Variants in PPP1R9A observed in about 807,000 individuals in gnomAD.
PPP1R9A encodes the protein neurabin-1.
A neutral mutation model predicts 141.9 loss-of-function variants in PPP1R9A; 59 were observed. The observed-to-expected ratio is 0.42, with a 90% CI of 0.34 to 0.52. PPP1R9A has a LOEUF of 0.52. Among genes scored for constraint, PPP1R9A ranks in the 20% least tolerant of loss-of-function variants. The pLI, the probability that PPP1R9A is intolerant of heterozygous loss-of-function variation, is 0.10. For synonymous variants in PPP1R9A, 500 were observed against 569.7 expected (o/e 0.88, Z 1.74); for missense variants, 1,444 against 1,611.9 (o/e 0.90, Z 1.78).
intron 8 of PPP1R9A, among the ~76,000 whole-genome samples, chr7:95,226,348 C>T (rs1222839891): frequency 6.6e-6 from 1 of 152,088 alleles, no homozygotes; most frequent in East Asian, 1.9e-4. Context: ...TAATTTCAAG[C>T]AGTAACTTAA....
chr7:95,279,225 G>A (rs997097019), intron 16 of PPP1R9A, among the ~76,000 whole-genome samples: 5 of 152,198 alleles, frequency 3.3e-5, no homozygotes, highest in African/African-American at 1.2e-4. Context: ...TGGCATGACA[G>A]TGAGTTTGAA....
chr7:95,245,083 A>C (rs1358382), intron 8 of PPP1R9A, among the ~76,000 whole-genome samples: 99,181 of 152,036 alleles, frequency 0.65, 33,253 homozygotes, highest in African/African-American at 0.82. Flanking sequence ...TGCAAATCCT[A>C]TAAAATCACC....
chr7:95,063,795 AAT>A (rs1400795358), intron 2 of PPP1R9A, among the ~76,000 whole-genome samples: 1 of 152,152 alleles, frequency 6.6e-6, no homozygotes, highest in Non-Finnish European at 1.5e-5. Context: ...TGTGTTTTCT[AAT>A]GTAGTTGAGT....
At chr7:94,976,393 G>A (rs1799448020) in intron 2 of PPP1R9A, among the ~76,000 whole-genome samples, 1 of 147,876 alleles carries the variant, frequency 6.8e-6, no homozygotes, top group South Asian at 2.1e-4. Flanking sequence ...CCAGGCTGGA[G>A]TGCAGTGGTG....
intron 2 of PPP1R9A, among the ~76,000 whole-genome samples, chr7:94,913,874 T>C (rs1791746380): frequency 6.6e-6 from 1 of 152,214 alleles, no homozygotes. Flanking sequence ...GAGTCAATTC[T>C]TAAACACATT....
intron 5 of PPP1R9A, among the ~76,000 whole-genome samples, chr7:95,166,388 T>TAAAC (rs1831271317): frequency 6.6e-6 from 1 of 152,014 alleles, no homozygotes; most frequent in African/African-American, 2.4e-5. Flanking sequence ...TAAAGCAAGT[T>TAAAC]AAACAAACTA....
At chr7:95,288,316 T>C (rs1183532334) in intron 18 of PPP1R9A, among the ~76,000 whole-genome samples, 1 of 152,240 alleles carries the variant, frequency 6.6e-6, no homozygotes, top group Admixed American at 6.5e-5. Context: ...CCTACATTAA[T>C]AATGGTGCTT....
intron 2 of PPP1R9A, among the ~76,000 whole-genome samples, chr7:94,958,120 G>A (rs1215943163): frequency 6.6e-6 from 1 of 152,002 alleles, no homozygotes; most frequent in African/African-American, 2.4e-5. Flanking sequence ...GTGGTTGTTG[G>A]TCTCAGTAGA....
chr7:95,251,949 T>G lies in PPP1R9A; in HGVS notation c.2494-10T>G. ...GTTTAGAGTTTTATAAATGGATTTG[T>G]TTTTCCTAGATTAGAGATTTGGAAG... On this transcript the variant is annotated splice_polypyrimidine_tract_variant and intron_variant, in intron 11 of 19. Transcript: ENST00000433360. The G allele has an allele frequency of 6.2e-7, 1 of 1,605,310 alleles. No individual in the cohort carries two copies. Among genetic ancestry groups the G allele is most frequent in the East Asian group, 2.2e-5 (1 of 44,778 alleles).
intron 4 of PPP1R9A, among the ~76,000 whole-genome samples, chr7:95,149,054 C>A (rs1828172393): frequency 6.6e-6 from 1 of 151,056 alleles, no homozygotes; most frequent in African/African-American, 2.4e-5. Context: ...ATACAGAGAC[C>A]AGGTGGGATT....
chr7:94,997,237 T>G (rs1339022981), intron 2 of PPP1R9A, among the ~76,000 whole-genome samples: 1 of 152,196 alleles, frequency 6.6e-6, no homozygotes, highest in Non-Finnish European at 1.5e-5. Flanking sequence ...TTCCATGGTC[T>G]ACTAAGTTTA....
intron 2 of PPP1R9A, among the ~76,000 whole-genome samples, chr7:95,083,225 T>C (rs1200978306): frequency 6.6e-5 from 10 of 151,988 alleles, no homozygotes; most frequent in Non-Finnish European, 5.9e-5. Flanking sequence ...TGGACAGTCA[T>C]GCAGAACTAT....
Position 94,922,174 on chromosome 7 carries a change from A to G in PPP1R9A, c.1395+10666A>G, listed in dbSNP as rs186870603. On this transcript the variant is annotated intron_variant, in intron 2 of 19. Transcript: ENST00000433360. ...ATTATTTTAAAGCCCTTTATATATA[A>G]TTCAGAAAGGGTGAATTATATTGTT... 4.1e-3 allele frequency among the ~76,000 whole-genome samples: 613 copies of G among 151,352 alleles called. 5 individuals carry two copies. The highest frequency in any genetic ancestry group is 0.014 in the African/African-American group (585 of 41,424).
intron 2 of PPP1R9A, among the ~76,000 whole-genome samples, chr7:95,100,056 T>G (rs73218138): frequency 0.32 from 48,727 of 151,914 alleles, 9,423 homozygotes; most frequent in Non-Finnish European, 0.44. Flanking sequence ...TATATATGTG[T>G]GTGTATGCAT....
chr7:95,006,163 A>G (rs1189727349), intron 2 of PPP1R9A, among the ~76,000 whole-genome samples: 1 of 151,858 alleles, frequency 6.6e-6, no homozygotes, highest in Non-Finnish European at 1.5e-5. Context: ...CACCTTTCAT[A>G]AGGATTAAAA....
Position 95,178,844 on chromosome 7 carries a change from G to A in PPP1R9A, c.1754+16873G>A, listed in dbSNP as rs548811674. On this transcript the variant is annotated intron_variant, in intron 5 of 19. Coordinates refer to ENST00000433360, the MANE Select transcript of PPP1R9A (RefSeq NM_001166160.2). Reference sequence around the variant, plus strand: ...TAAATCAGGAAGAATTAGATACCCTGAACACTCCAATAACAAGTAGTGAGA... The same window carrying A: ...TAAATCAGGAAGAATTAGATACCCTAAACACTCCAATAACAAGTAGTGAGA... Among the ~76,000 whole-genome samples the A allele has an allele frequency of 1.4e-4, 22 of 152,106 alleles. No homozygotes were observed. In the East Asian group the frequency reaches 3.7e-3, roughly 25 times the overall value.
intron 13 of PPP1R9A, 45 bp from the exon 14 acceptor site, chr7:95,269,162 G>A (rs1417021971): frequency 6.8e-7 from 1 of 1,470,152 alleles, no homozygotes; most frequent in East Asian, 2.3e-5. Flanking sequence ...GCATAGAACT[G>A]ATACTCAGTG....
At chr7:95,023,420 A>C (rs371213976) in intron 2 of PPP1R9A, among the ~76,000 whole-genome samples, 1 of 152,132 alleles carries the variant, frequency 6.6e-6, no homozygotes. Context: ...CTTTTCAAAA[A>C]TGCAGCTCCT....
At chr7:95,228,926 C>T (rs898946468) in intron 8 of PPP1R9A, among the ~76,000 whole-genome samples, 2 of 152,094 alleles carry the variant, frequency 1.3e-5, no homozygotes, top group Non-Finnish European at 2.9e-5. Context: ...GGACATATTA[C>T]TGGAGTGGGT....
Sources: allele counts gnomAD v4.1 joint callset (sites outside exome capture counted in the v4.1 genomes callset), GRCh38; gene constraint gnomAD v4.1.1; transcripts MANE v1.5; gene names NCBI Gene and HGNC (gene_info 2026-07-23, HGNC 2026-07-21).